The following NFIB variants were observed in gnomAD, a reference collection of about 807,000 sequenced individuals.
The protein encoded by NFIB is nuclear factor 1 B-type.
Under a neutral mutation model 61.5 loss-of-function variants are expected in NFIB, and 11 were observed. The observed-to-expected ratio is 0.18, with a 90% CI of 0.11 to 0.30. The LOEUF is 0.30. Ranked by LOEUF, NFIB falls within the 10% of genes least tolerant of loss-of-function variation. The pLI, the probability that NFIB is intolerant of heterozygous loss-of-function variation, is 1.00. For synonymous variants in NFIB, 260 were observed against 216.5 expected, an observed-to-expected ratio of 1.20 and a Z score of -1.76; for missense variants, 471 against 608.9, an observed-to-expected ratio of 0.77 and a Z score of 2.38.
intron 3 of NFIB, among the ~76,000 whole-genome samples, chr9:14,176,969 G>A (rs962204508): frequency 2.0e-5 from 3 of 152,282 alleles, no homozygotes; most frequent in African/African-American, 7.2e-5. Context: ...AATAAACACA[G>A]GAATAGACGG....
the NFIB span, among the ~76,000 whole-genome samples, chr9:14,461,436 C>G: frequency 1.3e-5 from 2 of 152,050 alleles, no homozygotes; most frequent in African/African-American, 2.4e-5. Flanking sequence ...AATTGATACT[C>G]TCTGCCAAGC....
At chr9:14,403,432 A>T (rs912291106), upstream of NFIB, among the ~76,000 whole-genome samples, 3 of 152,136 alleles carry the variant, frequency 2.0e-5, no homozygotes, top group African/African-American at 7.2e-5. Flanking sequence ...GTGGTGCCCA[A>T]CATCCATATT....
At chr9:14,106,973 CT>C (rs941876025) in intron 10 of NFIB, among the ~76,000 whole-genome samples, 4 of 151,888 alleles carry the variant, frequency 2.6e-5, no homozygotes, top group African/African-American at 9.7e-5. Flanking sequence ...TACCTTCTCA[CT>C]TTTTTTTCTT....
the NFIB span, among the ~76,000 whole-genome samples, chr9:14,481,383 C>G: frequency 1.4e-4 from 21 of 150,352 alleles, no homozygotes; most frequent in Non-Finnish European, 7.4e-5. Context: ...CTCACTTCCC[C>G]ATTTCCCTCC....
At chr9:14,368,169 G>T (rs2061323333) in intron 1 of NFIB, among the ~76,000 whole-genome samples, 1 of 143,532 alleles carries the variant, frequency 7.0e-6, no homozygotes, top group Non-Finnish European at 1.5e-5. Flanking sequence ...AAAAAAAAAA[G>T]AGAGACAGAG....
At chr9:14,392,939 C>T (rs930286674) in intron 1 of NFIB, among the ~76,000 whole-genome samples, 1 of 152,130 alleles carries the variant, frequency 6.6e-6, no homozygotes, top group Non-Finnish European at 1.5e-5. Flanking sequence ...AAGAAAGATC[C>T]GATAACTTCC....
the NFIB span, among the ~76,000 whole-genome samples, chr9:14,478,223 C>T: frequency 6.6e-6 from 1 of 152,304 alleles, no homozygotes; most frequent in Non-Finnish European, 1.5e-5. Context: ...AGGAAGCACA[C>T]AGCAAGCTAT....
At position 14,360,756 on chromosome 9, in the gene NFIB, G is replaced by A. The variant is rs367927048; in HGVS notation, c.108+37768C>T. ...AGACGGGGTTTCACCTTGTTAGCCA[G>A]AATGGTCTCGATCTCCTGACCTCGT... On this transcript the variant is annotated intron_variant, in intron 1 of 8. Coordinates refer to the NFIB transcript ENST00000380934. Among the ~76,000 whole-genome samples the A allele has an allele frequency of 2.2e-4, 33 of 152,158 alleles. No individual in the cohort carries two copies. In the South Asian group the frequency reaches 6.2e-3, roughly 29 times the overall value.
intron 2 of NFIB, among the ~76,000 whole-genome samples, chr9:14,262,293 G>A (rs537286300): frequency 6.6e-6 from 1 of 152,286 alleles, no homozygotes; most frequent in South Asian, 2.1e-4. Context: ...ATCCCTCCCA[G>A]AGATACCATC....
chr9:14,472,123 C>T, the NFIB span, among the ~76,000 whole-genome samples: 1 of 152,212 alleles, frequency 6.6e-6, no homozygotes, highest in Non-Finnish European at 1.5e-5. Context: ...ACCTGTAGAT[C>T]ATCAGGTTGA....
chr9:14,112,066 G>A (rs1189396953), intron 10 of NFIB, among the ~76,000 whole-genome samples: 1 of 152,088 alleles, frequency 6.6e-6, no homozygotes, highest in East Asian at 1.9e-4. Flanking sequence ...ATATGCACAG[G>A]CAACTTATAA....
rs527285030 is a variant in NFIB at position 14,092,669 on chromosome 9, C to T, written c.1468-4343G>A. On this transcript the variant is annotated intron_variant, in intron 10 of 10. Coordinates refer to ENST00000380953, the MANE Select transcript of NFIB (RefSeq NM_001190737.2). ...CTGGATTATAACCTAGCTAATGTTG[C>T]GAAAGAGACTAGTGCACAGAATATG... Among the ~76,000 whole-genome samples the T allele has an allele frequency of 5.9e-5, 9 of 152,042 alleles. No homozygotes were observed. In the South Asian group the frequency reaches 1.9e-3, roughly 32 times the overall value.
chr9:14,188,247 G>C (rs903022336), intron 2 of NFIB, among the ~76,000 whole-genome samples: 1 of 152,160 alleles, frequency 6.6e-6, no homozygotes, highest in African/African-American at 2.4e-5. Flanking sequence ...TTAATTAACT[G>C]ACTCAATCCT....
intron 3 of NFIB, among the ~76,000 whole-genome samples, chr9:14,176,856 G>T (rs956118693): frequency 6.6e-6 from 1 of 152,060 alleles, no homozygotes; most frequent in Admixed American, 6.5e-5. Flanking sequence ...TAGGATGATC[G>T]GATGGGATTC....
the NFIB span, among the ~76,000 whole-genome samples, chr9:14,456,980 C>G: frequency 6.6e-6 from 1 of 152,148 alleles, no homozygotes; most frequent in East Asian, 1.9e-4. Context: ...AGTACAGGTC[C>G]ATAATTGAAC....
intron 1 of NFIB, among the ~76,000 whole-genome samples, chr9:14,397,534 C>T (rs180714379): frequency 9.2e-5 from 14 of 152,232 alleles, no homozygotes; most frequent in African/African-American, 3.1e-4. Context: ...TTTATCCCCC[C>T]CAAAAAGATT....
At chr9:14,511,766 T>A in the NFIB span, among the ~76,000 whole-genome samples, 25 of 152,356 alleles carry the variant, frequency 1.6e-4, no homozygotes, top group East Asian at 3.7e-3. Context: ...CTGATTGATG[T>A]CTTACCCCAA....
the NFIB span, among the ~76,000 whole-genome samples, chr9:14,505,659 T>TA: frequency 6.6e-6 from 1 of 152,066 alleles, no homozygotes; most frequent in African/African-American, 2.4e-5. Flanking sequence ...CAAAGCCCCC[T>TA]AACCCCTTCT....
intron 2 of NFIB, among the ~76,000 whole-genome samples, chr9:14,214,250 C>A (rs1030221357): frequency 6.6e-6 from 1 of 152,214 alleles, no homozygotes; most frequent in Non-Finnish European, 1.5e-5. Flanking sequence ...CCTCACAGGT[C>A]CTGAGCATGC....
Sources: gnomAD v4.1 joint callset for allele counts (sites outside exome capture counted in the v4.1 genomes callset) on GRCh38, gnomAD v4.1.1 for gene constraint, MANE v1.5 for transcripts, NCBI Gene and HGNC (gene_info 2026-07-23, HGNC 2026-07-21) for gene names.